CHKA: variants seen among roughly 807,000 people sequenced by gnomAD.
CHKA encodes CHETK-alpha.
Under a neutral mutation model 60.1 loss-of-function variants are expected in CHKA, and 34 were observed. That is an observed-to-expected ratio of 0.57 (90% CI 0.43 to 0.75). CHKA has a LOEUF of 0.75. CHKA is among the 30% of genes least tolerant of loss of function. The pLI, the probability that CHKA is intolerant of heterozygous loss-of-function variation, is 0.00. For missense variants in CHKA, 563 were observed against 561.3 expected, an observed-to-expected ratio of 1.00 and a Z score of -0.03; for synonymous variants, 217 against 223.1, an observed-to-expected ratio of 0.97 and a Z score of 0.24.
rs1053457168 is a variant in CHKA, at chr11:68,064,419, A to T, written c.1232+106T>A. 1.6e-5 allele frequency: 9 copies of T among 565,792 alleles called. No homozygotes were observed. In the African/African-American group the frequency reaches 1.6e-4, roughly 10 times the overall value. 35.0% of individuals were successfully genotyped at this position (565,792 alleles called of 1,614,324 possible). A position where few individuals can be genotyped will look rare whatever the true frequency, so the allele number is the denominator to read the frequency against. ...CAAGACTCTGTCTCAAAAAAAAAAA[A>T]AGAAGAAGAAGCTCTAAAATACTCC... On this transcript the variant is annotated intron_variant, in intron 10 of 11. Transcript: ENST00000265689.
chr11:68,092,339 C>T (rs1460474037), intron 2 of CHKA, among the ~76,000 whole-genome samples: 1 of 152,062 alleles, frequency 6.6e-6, no homozygotes, highest in African/African-American at 2.4e-5. Context: ...AGGAACAAAA[C>T]CCTCATTGTA....
At chr11:68,070,913 G>C in intron 4 of CHKA, 56 bp from the exon 5 acceptor site, 2 of 1,548,660 alleles carry the variant, frequency 1.3e-6, no homozygotes, top group Non-Finnish European at 1.8e-6. Flanking sequence ...TAAAAAGAGT[G>C]AGATCACACA....
chr11:68,100,868 T>A (rs1857687340), intron 1 of CHKA, among the ~76,000 whole-genome samples: 1 of 145,436 alleles, frequency 6.9e-6, no homozygotes, highest in African/African-American at 2.5e-5. Context: ...GGTGCACGCA[T>A]CACTAACTGT....
chr11:68,066,045 T>C (rs1203980763), intron 8 of CHKA, 151 bp from the exon 9 acceptor site: 3 of 589,636 alleles, frequency 5.1e-6, no homozygotes, highest in Admixed American at 2.9e-5. Context: ...GCTGCTTTAA[T>C]GACAGAGAGA....
At chr11:68,115,615 G>C (rs996344878) in intron 1 of CHKA, among the ~76,000 whole-genome samples, 1 of 152,220 alleles carries the variant, frequency 6.6e-6, no homozygotes, top group East Asian at 1.9e-4. Flanking sequence ...TGAGGCAGGA[G>C]GGACCACTTG....
intron 1 of CHKA, among the ~76,000 whole-genome samples, chr11:68,109,086 C>CA (rs1858032012): frequency 5.4e-5 from 7 of 130,594 alleles, no homozygotes. Context: ...TTTTCTTTTC[C>CA]TTTTTTTTTT....
intron 3 of CHKA, among the ~76,000 whole-genome samples, chr11:68,077,830 G>A (rs1288351785): frequency 6.6e-6 from 1 of 152,154 alleles, no homozygotes; most frequent in Non-Finnish European, 1.5e-5. Flanking sequence ...GAGATCTGAG[G>A]TGTGAAAAGC....
intron 3 of CHKA, 39 bp downstream of exon 3, chr11:68,081,365 T>C: frequency 6.3e-7 from 1 of 1,577,888 alleles, no homozygotes; most frequent in Non-Finnish European, 8.7e-7. Flanking sequence ...TAACACTAGT[T>C]CACATCTCAC....
chr11:68,067,618 C>T (rs1472491438), intron 7 of CHKA, among the ~76,000 whole-genome samples: 2 of 152,146 alleles, frequency 1.3e-5, no homozygotes, highest in Non-Finnish European at 2.9e-5. Flanking sequence ...GAGGCAGACG[C>T]CCAAAGTAGC....
At chr11:68,110,997 CAA>C (rs368581413) in intron 1 of CHKA, among the ~76,000 whole-genome samples, 6 of 84,128 alleles carry the variant, frequency 7.1e-5, no homozygotes, top group Non-Finnish European at 7.4e-5. Flanking sequence ...GACTCCATCT[CAA>C]AAAAAAAAAA....
intron 1 of CHKA, among the ~76,000 whole-genome samples, chr11:68,114,699 G>GA (rs544983763): frequency 0.059 from 7,770 of 130,958 alleles, 248 homozygotes; most frequent in Non-Finnish European, 0.081. Flanking sequence ...TCTGTCTCGG[G>GA]AAAAAAAAAA....
At chr11:68,093,524 C>A (rs907853551) in intron 2 of CHKA, among the ~76,000 whole-genome samples, 2 of 152,136 alleles carry the variant, frequency 1.3e-5, no homozygotes, top group Admixed American at 1.3e-4. Flanking sequence ...TTAAATTATT[C>A]TTTTTATTTT....
Position 68,096,992 on chromosome 11 carries a change from C to G in CHKA, c.462+27G>C, listed in dbSNP as rs751213726. ...GATTTAAAATGTTAACAGGATCCCC[C>G]CCTCCCAAAGTAGCCTACCAACTCA... On this transcript the variant is annotated intron_variant, in intron 2 of 11. Coordinates refer to ENST00000265689, the MANE Select transcript of CHKA (RefSeq NM_001277.3). The G allele has an allele frequency of 4.6e-5, 69 of 1,512,040 alleles. No individual in the cohort carries two copies. The South Asian group carries it at 5.5e-4, about 12-fold the overall frequency. 93.7% of individuals were successfully genotyped at this position (1,512,040 alleles called of 1,614,324 possible).
intron 3 of CHKA, among the ~76,000 whole-genome samples, chr11:68,078,925 T>C (rs966373881): frequency 6.6e-6 from 1 of 152,022 alleles, no homozygotes; most frequent in Non-Finnish European, 1.5e-5. Context: ...AGTTATTATT[T>C]TTTTTTTGGA....
intron 1 of CHKA, among the ~76,000 whole-genome samples, chr11:68,110,909 A>G (rs1858107938): frequency 1.3e-5 from 2 of 151,692 alleles, no homozygotes; most frequent in African/African-American, 4.9e-5. Flanking sequence ...GAGGCAGGAG[A>G]ATCGCTTGAA....
At position 68,053,274 on chromosome 11, in the gene CHKA, GCTGT is replaced by G. The variant is rs1855868182; in HGVS notation, c.*710_*713del. ...CACACTGCCCCCGTGGCCACGCATG[GCTGT>G]CTGCACACTCCATCAGGAGGAAGGG... On this transcript the variant is annotated 3_prime_UTR_variant, in exon 12 of 12. Coordinates refer to ENST00000265689, the MANE Select transcript of CHKA (RefSeq NM_001277.3). 1.3e-5 allele frequency: 2 copies of G among 152,450 alleles called. No homozygotes were observed. Among genetic ancestry groups the G allele is most frequent in the South Asian group, 4.1e-4 (2 of 4,834 alleles). 9.4% of individuals were successfully genotyped at this position (152,450 alleles called of 1,614,324 possible).
Position 68,087,182 on chromosome 11 carries a change from T to C in CHKA, c.463-5725A>G, listed in dbSNP as rs1857207230. 2.9e-5 allele frequency among the ~76,000 whole-genome samples: 3 copies of C among 105,030 alleles called. 1 individual carries two copies. In the South Asian group the frequency reaches 1.2e-3, roughly 41 times the overall value. 68.9% of individuals were successfully genotyped at this position (105,030 alleles called of 152,430 possible). The stretch of plus-strand genomic sequence containing the variant: ...TAAGAAACGAAATCATTATCAATTA[T>C]GGATAATATAATATGAGCCAGGCAT... On this transcript the variant is annotated intron_variant, in intron 2 of 11. Coordinates refer to ENST00000265689, the MANE Select transcript of CHKA (RefSeq NM_001277.3).
intron 3 of CHKA, among the ~76,000 whole-genome samples, 196 bp downstream of exon 3, chr11:68,081,208 G>C (rs1856976680): frequency 6.6e-6 from 1 of 152,176 alleles, no homozygotes; most frequent in African/African-American, 2.4e-5. Flanking sequence ...ACTCTCAGGA[G>C]GAATGAGGAA....
chr11:68,077,099 G>A (rs377547344), intron 3 of CHKA, among the ~76,000 whole-genome samples: 4 of 152,280 alleles, frequency 2.6e-5, no homozygotes, highest in African/African-American at 9.6e-5. Flanking sequence ...AACTATCTGG[G>A]CATGGTGGCG....
Sources: gnomAD v4.1 joint callset for allele counts (sites outside exome capture counted in the v4.1 genomes callset) on GRCh38, gnomAD v4.1.1 for gene constraint, MANE v1.5 for transcripts, NCBI Gene and HGNC (gene_info 2026-07-23, HGNC 2026-07-21) for gene names.